Variants in BMP5 observed in about 807,000 individuals in gnomAD.
BMP5 encodes bone morphogenetic protein 5.
In BMP5, 23 loss-of-function variants were observed where a neutral mutation model predicts 46.6. The ratio of observed to expected loss-of-function variants is 0.49; its 90% CI spans 0.35 to 0.70. The LOEUF is 0.70. Among genes scored for constraint, BMP5 ranks in the 30% least tolerant of loss-of-function variants. The probability of loss-of-function intolerance (pLI) is 0.00; values close to 1 mark genes in which losing one functional copy is unlikely to be tolerated. For missense variants in BMP5, 545 were observed against 565.6 expected (o/e 0.96, Z 0.37); for synonymous variants, 204 against 191.9 (o/e 1.06, Z -0.52).
Position 55,874,913 on chromosome 6 carries a change from TA to T in BMP5, c.-49del, listed in dbSNP as rs200061411. ...ATATTTTTAGTCCTTCTTGTCCTCT[TA>T]AAAAAAAAAAAAACCTAAGGTTCTA... On this transcript the variant is annotated 5_prime_UTR_variant, in exon 1 of 7. Coordinates refer to ENST00000370830, the MANE Select transcript of BMP5 (RefSeq NM_021073.4). 60,713 of 1,298,478 alleles carry T rather than the reference TA, an allele frequency of 0.047. No individual in the cohort carries two copies. Among genetic ancestry groups the T allele is most frequent in the Non-Finnish European group, 0.05 (47,944 of 950,018 alleles). 80.4% of individuals were successfully genotyped at this position (1,298,478 alleles called of 1,614,324 possible). A position where few individuals can be genotyped will look rare whatever the true frequency, so the allele number is the denominator to read the frequency against.
chr6:55,845,134 C>T (rs1283789693), intron 1 of BMP5, among the ~76,000 whole-genome samples: 1 of 151,960 alleles, frequency 6.6e-6, no homozygotes, highest in African/African-American at 2.4e-5. Flanking sequence ...TGGCTAATAT[C>T]TTTACATGGC....
intron 3 of BMP5, among the ~76,000 whole-genome samples, chr6:55,792,605 A>G (rs887026892): frequency 9.9e-5 from 15 of 152,060 alleles, no homozygotes; most frequent in African/African-American, 3.6e-4. Context: ...AATATATTCA[A>G]TTTGTGTGTG....
At chr6:55,796,013 C>T (rs1005750020) in intron 2 of BMP5, among the ~76,000 whole-genome samples, 1 of 152,130 alleles carries the variant, frequency 6.6e-6, no homozygotes, top group East Asian at 1.9e-4. Flanking sequence ...TCCAAATAAG[C>T]AGACAAGAAA....
intron 3 of BMP5, among the ~76,000 whole-genome samples, chr6:55,784,007 TA>T (rs1775387649): frequency 6.6e-6 from 1 of 151,962 alleles, no homozygotes; most frequent in Non-Finnish European, 1.5e-5. Context: ...TTTTTTCATA[TA>T]TGTTTTTTAG....
chr6:55,853,003 G>T (rs919036062), intron 1 of BMP5, among the ~76,000 whole-genome samples: 1 of 151,816 alleles, frequency 6.6e-6, no homozygotes, highest in Non-Finnish European at 1.5e-5. Flanking sequence ...GGTGGTGCCC[G>T]CCTGTAGTCC....
chr6:55,783,317 T>G (rs967073630), intron 3 of BMP5, among the ~76,000 whole-genome samples: 2 of 152,066 alleles, frequency 1.3e-5, no homozygotes, highest in African/African-American at 4.8e-5. Flanking sequence ...AATCCAAATT[T>G]TGATTGCCAC....
intron 2 of BMP5, among the ~76,000 whole-genome samples, chr6:55,804,307 T>G (rs565415330): frequency 6.6e-6 from 1 of 152,182 alleles, no homozygotes; most frequent in South Asian, 2.1e-4. Flanking sequence ...CACATGAAGA[T>G]GGAAGAGGAG....
intron 2 of BMP5, among the ~76,000 whole-genome samples, chr6:55,817,725 A>G (rs1488707744): frequency 3.3e-5 from 5 of 152,110 alleles, no homozygotes; most frequent in African/African-American, 1.2e-4. Context: ...CATTGTGCAT[A>G]TGTACCCTAA....
intron 3 of BMP5, among the ~76,000 whole-genome samples, chr6:55,785,350 T>C (rs906822598): frequency 2.0e-5 from 3 of 151,852 alleles, no homozygotes; most frequent in Middle Eastern, 3.2e-3. Context: ...ACGAGATCTC[T>C]GGTTGAACCA....
intron 1 of BMP5, among the ~76,000 whole-genome samples, chr6:55,856,140 T>C (rs1239199105): frequency 1.3e-5 from 2 of 152,206 alleles, no homozygotes; most frequent in African/African-American, 4.8e-5. Flanking sequence ...AATTAGACAA[T>C]ATATAGCCCT....
chr6:55,764,348 C>A (rs1259583086), intron 4 of BMP5, among the ~76,000 whole-genome samples: 1 of 151,984 alleles, frequency 6.6e-6, no homozygotes, highest in Non-Finnish European at 1.5e-5. Flanking sequence ...CCAAGGAGGG[C>A]GGATCACGAG....
At position 55,874,496 on chromosome 6, in the gene BMP5, G is replaced by T; in HGVS notation, c.370C>A (p.Pro124Thr). ...KGYPASPNGY[P>T]RRIQLSRTTP... The stretch of plus-strand genomic sequence containing the variant: ...GTCCGAGATAACTGTATGCGACGAG[G>T]ATACCCATTGGGAGAGGCTGGGTAT... The change falls in exon 1 of 7, where the codon CCT becomes ACT. Residue 124 changes from proline (P) to threonine (T), a missense_variant. Transcript: ENST00000370830. 1 of 1,613,448 alleles carries T rather than the reference G, an allele frequency of 6.2e-7. No homozygotes were observed. Among genetic ancestry groups the T allele is most frequent in the South Asian group, 1.1e-5 (1 of 91,062 alleles).
intron 2 of BMP5, among the ~76,000 whole-genome samples, chr6:55,806,232 A>C (rs1180484555): frequency 6.6e-6 from 1 of 152,078 alleles, no homozygotes; most frequent in Admixed American, 6.5e-5. Context: ...GTCCATCTTG[A>C]GTTAATTTTT....
At position 55,823,618 on chromosome 6, in the gene BMP5, C is replaced by T. The variant is rs942052823; in HGVS notation, c.491-3771G>A. 5.3e-5 allele frequency among the ~76,000 whole-genome samples: 8 copies of T among 152,048 alleles called. No homozygotes were observed. The East Asian group carries it at 5.8e-4, about 11-fold the overall frequency. On this transcript the variant is annotated intron_variant, in intron 1 of 6. Transcript: ENST00000370830. ...ATTTCTAAGCCCTCATTAACACAGC[C>T]GGAGTGTGTTTTTCTGAATATTGTT...
At chr6:55,837,440 A>G (rs1413902888) in intron 1 of BMP5, among the ~76,000 whole-genome samples, 1 of 152,176 alleles carries the variant, frequency 6.6e-6, no homozygotes, top group Non-Finnish European at 1.5e-5. Context: ...ACTTTGGTAT[A>G]CTTTGGCTAA....
Position 55,875,575 on chromosome 6 carries a change from G to T in BMP5, c.-710C>A, listed in dbSNP as rs147137064. 1.3e-5 allele frequency: 2 copies of T among 152,384 alleles called. No homozygotes were observed. The highest frequency in any genetic ancestry group is 3.9e-4 in the East Asian group (2 of 5,174). 9.4% of individuals were successfully genotyped at this position (152,384 alleles called of 1,614,324 possible). A position where few individuals can be genotyped will look rare whatever the true frequency, so the allele number is the denominator to read the frequency against. ...GCACAAATATACCAGCCCTCTTCAA[G>T]AGAGATCTAAAGAGTAGTGTAAGCA... On this transcript the variant is annotated 5_prime_UTR_variant, in exon 1 of 7. Transcript: ENST00000370830.
At chr6:55,819,538 T>C (rs1562053813) in intron 2 of BMP5, 117 bp downstream of exon 2, 7 of 844,604 alleles carry the variant, frequency 8.3e-6, no homozygotes, top group Admixed American at 2.2e-5. Flanking sequence ...GCTCTAAATG[T>C]TACTACATTG....
chr6:55,823,309 T>C (rs1425065234), intron 1 of BMP5, among the ~76,000 whole-genome samples: 1 of 152,080 alleles, frequency 6.6e-6, no homozygotes, highest in Non-Finnish European at 1.5e-5. Context: ...AAAAAGTATA[T>C]AGCATCTAAC....
intron 4 of BMP5, among the ~76,000 whole-genome samples, chr6:55,768,530 T>G (rs1053660407): frequency 6.6e-6 from 1 of 151,956 alleles, no homozygotes; most frequent in Non-Finnish European, 1.5e-5. Context: ...TAGGCTAAGC[T>G]ATGATATTTG....
Sources: allele counts gnomAD v4.1 joint callset (sites outside exome capture counted in the v4.1 genomes callset), GRCh38; gene constraint gnomAD v4.1.1; transcripts MANE v1.5; gene names NCBI Gene and HGNC (gene_info 2026-07-23, HGNC 2026-07-21).